The following EVA1C variants were observed in gnomAD, a reference collection of about 807,000 sequenced individuals.
The protein encoded by EVA1C is eva-1 homolog C.
Under a neutral mutation model 45.4 loss-of-function variants are expected in EVA1C, and 25 were observed. That is an observed-to-expected ratio of 0.55 (90% confidence interval 0.40 to 0.77). The LOEUF is 0.77. EVA1C is among the 30% of genes least tolerant of loss of function. EVA1C has a pLI of 0.00. For synonymous variants in EVA1C, 190 were observed against 221.2 expected (o/e 0.86, Z 1.25); for missense variants, 479 against 554.8 (o/e 0.86, Z 1.37).
chr21:32,491,681 C>CAAAAAAAA (rs34286023), intron 4 of EVA1C, among the ~76,000 whole-genome samples: 1 of 57,682 alleles, frequency 1.7e-5, no homozygotes, highest in Non-Finnish European at 3.3e-5. Flanking sequence ...GAGACTCTGT[C>CAAAAAAAA]AAAAAAAAAA....
intron 2 of EVA1C, among the ~76,000 whole-genome samples, chr21:32,456,012 C>A (rs150982843): frequency 6.6e-6 from 1 of 152,280 alleles, no homozygotes; most frequent in African/African-American, 2.4e-5. Flanking sequence ...CCTGCCTCAG[C>A]CTCCCGAGTA....
At chr21:32,438,234 C>T (rs139897389) in intron 1 of EVA1C, among the ~76,000 whole-genome samples, 11 of 152,290 alleles carry the variant, frequency 7.2e-5, no homozygotes, top group Non-Finnish European at 1.6e-4. Context: ...TGGTGGCTTA[C>T]ACCTGTAATC....
chr21:32,426,649 C>G (rs1243216050), intron 1 of EVA1C, among the ~76,000 whole-genome samples: 2 of 152,070 alleles, frequency 1.3e-5, no homozygotes, highest in African/African-American at 4.8e-5. Flanking sequence ...GGTCATGGGG[C>G]TAAGCATCGT....
At chr21:32,451,422 G>A (rs757234309) in intron 1 of EVA1C, among the ~76,000 whole-genome samples, 5 of 152,148 alleles carry the variant, frequency 3.3e-5, no homozygotes, top group Non-Finnish European at 5.9e-5. Context: ...TCCTTGCCGA[G>A]AAATAGTTTA....
At chr21:32,483,546 TAGTG>T (rs2036865758) in intron 4 of EVA1C, among the ~76,000 whole-genome samples, 2 of 152,102 alleles carry the variant, frequency 1.3e-5, no homozygotes, top group South Asian at 4.1e-4. Flanking sequence ...TCCAAGCCCC[TAGTG>T]AGTGGCTGGG....
intron 3 of EVA1C, among the ~76,000 whole-genome samples, chr21:32,460,319 T>A (rs2035951639): frequency 6.6e-6 from 1 of 152,202 alleles, no homozygotes; most frequent in Non-Finnish European, 1.5e-5. Context: ...AGAGAGGCTT[T>A]CTCTGTCCAA....
chr21:32,478,091 C>A, intron 4 of EVA1C, among the ~76,000 whole-genome samples: 1 of 149,528 alleles, frequency 6.7e-6, no homozygotes, highest in Admixed American at 6.7e-5. Context: ...TCACTGGGGA[C>A]CCTTTTGAAG....
At chr21:32,477,450 T>C (rs1429383779) in intron 4 of EVA1C, among the ~76,000 whole-genome samples, 2 of 152,134 alleles carry the variant, frequency 1.3e-5, no homozygotes, top group South Asian at 4.1e-4. Context: ...TCAGGGATAG[T>C]GTAGTCTGGC....
chr21:32,494,626 T>C (rs1462152836), intron 4 of EVA1C, among the ~76,000 whole-genome samples: 1 of 151,946 alleles, frequency 6.6e-6, no homozygotes. Flanking sequence ...CTACTAAAAA[T>C]ACAAAAATTA....
intron 1 of EVA1C, among the ~76,000 whole-genome samples, chr21:32,446,952 C>T (rs964422940): frequency 7.2e-5 from 11 of 152,338 alleles, no homozygotes; most frequent in African/African-American, 2.4e-4. Context: ...CCTTGCTGGT[C>T]CTCATTAGGA....
intron 3 of EVA1C, among the ~76,000 whole-genome samples, chr21:32,461,015 G>A (rs1193567557): frequency 6.6e-6 from 1 of 152,246 alleles, no homozygotes; most frequent in East Asian, 1.9e-4. Flanking sequence ...CAAAGTGCTA[G>A]GATCACAGGC....
intron 4 of EVA1C, among the ~76,000 whole-genome samples, chr21:32,478,132 A>G (rs1464063008): frequency 1.3e-5 from 2 of 150,650 alleles, no homozygotes; most frequent in East Asian, 3.9e-4. Context: ...GTCCTCCCCA[A>G]ATTCATATAC....
intron 4 of EVA1C, among the ~76,000 whole-genome samples, chr21:32,490,268 C>A (rs1276969498): frequency 6.6e-6 from 1 of 152,184 alleles, no homozygotes; most frequent in African/African-American, 2.4e-5. Context: ...CACCATTCCA[C>A]TTTCTGTCTC....
At position 32,497,042 on chromosome 21, in the gene EVA1C, G is replaced by A; in HGVS notation, c.778+1872G>A. 2.3e-6 allele frequency: 3 copies of A among 1,288,822 alleles called. No homozygotes were observed. In the South Asian group the frequency reaches 3.6e-5, roughly 15 times the overall value. 79.8% of individuals were successfully genotyped at this position (1,288,822 alleles called of 1,614,324 possible). A position where few individuals can be genotyped will look rare whatever the true frequency, so the allele number is the denominator to read the frequency against. ...GAGATGGTCTGTATTGACAGCTATG[G>A]ATGAGCCAATGGAAGGAATGTCATT... On this transcript the variant is annotated intron_variant, in intron 5 of 7. Coordinates refer to ENST00000300255, the MANE Select transcript of EVA1C (RefSeq NM_058187.5).
At chr21:32,413,141 T>C in intron 1 of EVA1C, 128 bp downstream of exon 1, 1 of 771,872 alleles carries the variant, frequency 1.3e-6, no homozygotes. Flanking sequence ...TCACAGACAC[T>C]TGTCTGGTGT....
intron 3 of EVA1C, 60 bp downstream of exon 3, chr21:32,457,780 C>T (rs1056845366): frequency 6.3e-7 from 1 of 1,598,024 alleles, no homozygotes; most frequent in African/African-American, 1.3e-5. Flanking sequence ...CCTTCACACT[C>T]CTGGTCAAAA....
intron 5 of EVA1C, chr21:32,497,315 A>T: frequency 1.5e-6 from 1 of 651,870 alleles, no homozygotes; most frequent in South Asian, 1.6e-5. Context: ...AAGTTGATAT[A>T]GGTGGACTTT....
chr21:32,435,587 GA>G (rs368293494), intron 1 of EVA1C, among the ~76,000 whole-genome samples: 130 of 152,304 alleles, frequency 8.5e-4, no homozygotes, highest in African/African-American at 2.9e-3. Context: ...ACCACTGGCT[GA>G]AAACCCTGCA....
At chr21:32,487,219 G>A (rs2036999445) in intron 4 of EVA1C, among the ~76,000 whole-genome samples, 1 of 152,118 alleles carries the variant, frequency 6.6e-6, no homozygotes, top group Admixed American at 6.5e-5. Flanking sequence ...TGGTTGTCAA[G>A]GGAATGGATC....
Sources: allele counts gnomAD v4.1 joint callset (sites outside exome capture counted in the v4.1 genomes callset), GRCh38; gene constraint gnomAD v4.1.1; transcripts MANE v1.5; gene names NCBI Gene and HGNC (gene_info 2026-07-23, HGNC 2026-07-21).